FMN2: variants seen among roughly 807,000 people sequenced by gnomAD.
FMN2 encodes the protein formin 2, also known as formin-2.
A neutral mutation model predicts 142.3 loss-of-function variants in FMN2; 51 were observed. The ratio of observed to expected loss-of-function variants is 0.36; its 90% CI spans 0.29 to 0.45. The LOEUF (loss-of-function observed/expected upper bound fraction) is 0.45, where lower values mean the gene tolerates loss of function less well. Among genes scored for constraint, FMN2 ranks in the 20% least tolerant of loss-of-function variants. The pLI, the probability that FMN2 is intolerant of heterozygous loss-of-function variation, is 1.00. For synonymous variants in FMN2, 882 were observed against 869.8 expected (o/e 1.01, Z -0.25); for missense variants, 1,936 against 2,122.8 (o/e 0.91, Z 1.73).
intron 15 of FMN2, among the ~76,000 whole-genome samples, chr1:240,428,734 C>A (rs1012703041): frequency 6.6e-6 from 1 of 152,166 alleles, no homozygotes; most frequent in African/African-American, 2.4e-5. Context: ...TACATACTTA[C>A]CAGCTTTTGT....
intron 6 of FMN2, among the ~76,000 whole-genome samples, chr1:240,233,677 G>A (rs1222048669): frequency 1.3e-5 from 2 of 152,090 alleles, no homozygotes; most frequent in Non-Finnish European, 2.9e-5. Flanking sequence ...ACAAAGAATA[G>A]GACCACTTCA....
In FMN2 at chr1:240,435,442, C is replaced by T. The variant is rs1408230543; in HGVS notation, c.4911-2619C>T. Among the ~76,000 whole-genome samples, 11 of 150,950 alleles carry T rather than the reference C, an allele frequency of 7.3e-5. No individual in the cohort carries two copies. The East Asian group carries it at 2.1e-3, about 29-fold the overall frequency. ...ACATGAGAATCTGTTAATAAATCAGCCCCAATTGAATTAGTTATAATTTAG... is the reference window on the plus strand; with the variant it reads ...ACATGAGAATCTGTTAATAAATCAGTCCCAATTGAATTAGTTATAATTTAG... On this transcript the variant is annotated intron_variant, in intron 15 of 17. Coordinates refer to ENST00000319653, the MANE Select transcript of FMN2 (RefSeq NM_020066.5).
intron 14 of FMN2, among the ~76,000 whole-genome samples, chr1:240,375,880 C>T (rs897938852): frequency 2.0e-5 from 3 of 152,160 alleles, no homozygotes; most frequent in African/African-American, 7.2e-5. Flanking sequence ...AGGCTGTAAT[C>T]TCTAGTTACA....
Position 240,207,617 on chromosome 1 carries a change from C to G in FMN2, c.2805C>G (p.Pro935=), listed in dbSNP as rs1230666402. The G allele has an allele frequency of 9.4e-6, 11 of 1,171,430 alleles. No individual in the cohort carries two copies. In the East Asian group the frequency reaches 3.6e-4, roughly 38 times the overall value. 72.6% of individuals were successfully genotyped at this position (1,171,430 alleles called of 1,614,324 possible). ...CCGGAGCAGGCATACTCCCTCTGCC[C>G]CCTCTACCCGGAGCGGGAATACCTC... is the stretch of plus-strand genomic sequence containing the variant. ...PLPGAGILPL[P]PLPGAGIPPP... The change falls in exon 5 of 18, where the codon CCC becomes CCG. Residue 935 remains proline (P), a synonymous_variant. Transcript: ENST00000319653.
intron 8 of FMN2, among the ~76,000 whole-genome samples, chr1:240,323,815 AGGATC>A (rs750545567): frequency 1.5e-4 from 23 of 152,148 alleles, no homozygotes; most frequent in Middle Eastern, 3.4e-3. Context: ...AGCCTCCCCC[AGGATC>A]TGTCCTTGGC....
At chr1:240,242,863 A>G (rs1667957812) in intron 6 of FMN2, among the ~76,000 whole-genome samples, 1 of 152,338 alleles carries the variant, frequency 6.6e-6, no homozygotes, top group South Asian at 2.1e-4. Context: ...TCACCTCACC[A>G]ATTAGCAAAC....
At chr1:240,234,744 T>C (rs1180653369) in intron 6 of FMN2, among the ~76,000 whole-genome samples, 1 of 152,240 alleles carries the variant, frequency 6.6e-6, no homozygotes, top group Non-Finnish European at 1.5e-5. Context: ...TAACTTCCTG[T>C]ATTCCCTGTA....
At chr1:240,131,716 A>G (rs116579696) in intron 2 of FMN2, among the ~76,000 whole-genome samples, 14,086 of 146,234 alleles carry the variant, frequency 0.096, 716 homozygotes, top group South Asian at 0.16. Flanking sequence ...CTCAAAAAGA[A>G]AAAAAAAAAG....
At chr1:240,123,958 A>G (rs1216442992) in intron 2 of FMN2, among the ~76,000 whole-genome samples, 9 of 152,334 alleles carry the variant, frequency 5.9e-5, no homozygotes, top group Non-Finnish European at 1.2e-4. Context: ...TTCACTTAGC[A>G]TGATGTCCTT....
At chr1:240,234,084 A>C (rs1203175647) in intron 6 of FMN2, among the ~76,000 whole-genome samples, 1 of 152,188 alleles carries the variant, frequency 6.6e-6, no homozygotes, top group Non-Finnish European at 1.5e-5. Context: ...TTTTAAACTC[A>C]TAGACAGCCG....
intron 8 of FMN2, among the ~76,000 whole-genome samples, chr1:240,301,495 T>C (rs1249318606): frequency 1.3e-5 from 2 of 152,006 alleles, no homozygotes; most frequent in Non-Finnish European, 2.9e-5. Flanking sequence ...TCATTTTATA[T>C]CGTTTTTCTT....
At chr1:240,312,532 G>A (rs1039278540) in intron 8 of FMN2, among the ~76,000 whole-genome samples, 6 of 152,142 alleles carry the variant, frequency 3.9e-5, no homozygotes, top group Admixed American at 3.9e-4. Flanking sequence ...TTGGCACATA[G>A]TAAGCACTAC....
At chr1:240,275,401 C>T (rs1669169878) in intron 7 of FMN2, among the ~76,000 whole-genome samples, 3 of 152,164 alleles carry the variant, frequency 2.0e-5, no homozygotes, top group South Asian at 4.2e-4. Flanking sequence ...CATCCATGTC[C>T]CTGCAAAGGA....
chr1:240,195,898 C>G (rs1665892821), intron 4 of FMN2, among the ~76,000 whole-genome samples: 2 of 151,960 alleles, frequency 1.3e-5, no homozygotes, highest in East Asian at 3.9e-4. Context: ...GCATGAGCTA[C>G]TTGGGAGGCT....
chr1:240,423,151 A>C (rs928234894), intron 15 of FMN2, among the ~76,000 whole-genome samples: 5 of 152,202 alleles, frequency 3.3e-5, no homozygotes, highest in African/African-American at 1.2e-4. Flanking sequence ...TTTAGAAGAC[A>C]TGGAGGATCC....
intron 8 of FMN2, among the ~76,000 whole-genome samples, chr1:240,306,200 G>A (rs539618771): frequency 2.0e-5 from 3 of 152,114 alleles, no homozygotes; most frequent in South Asian, 2.1e-4. Context: ...CACCCACCTC[G>A]GCTTCCCAAA....
At chr1:240,257,286 A>G (rs1388107353) in intron 6 of FMN2, among the ~76,000 whole-genome samples, 1 of 152,186 alleles carries the variant, frequency 6.6e-6, no homozygotes, top group Admixed American at 6.5e-5. Context: ...CTTGCTGGAA[A>G]TCCAGACTTG....
chr1:240,252,637 G>GA (rs1668313840), intron 6 of FMN2, among the ~76,000 whole-genome samples: 2 of 151,310 alleles, frequency 1.3e-5, no homozygotes, highest in Non-Finnish European at 2.9e-5. Context: ...TATTCTGACG[G>GA]GGGGGGTGGT....
intron 3 of FMN2, among the ~76,000 whole-genome samples, chr1:240,185,355 A>T: frequency 6.6e-6 from 1 of 152,050 alleles, no homozygotes; most frequent in East Asian, 1.9e-4. Flanking sequence ...GACCCTCTAG[A>T]ACTCCTATTT....
Sources: allele counts gnomAD v4.1 joint callset (sites outside exome capture counted in the v4.1 genomes callset), GRCh38; gene constraint gnomAD v4.1.1; transcripts MANE v1.5; gene names NCBI Gene and HGNC (gene_info 2026-07-23, HGNC 2026-07-21).